CAMK1D: variants seen among roughly 807,000 people sequenced by gnomAD.
CAMK1D encodes calcium/calmodulin dependent protein kinase ID.
In CAMK1D, 9 loss-of-function variants were observed where a neutral mutation model predicts 47.7. The observed-to-expected ratio is 0.19, with a 90% CI of 0.11 to 0.33. The LOEUF (loss-of-function observed/expected upper bound fraction) is 0.33. Ranked by LOEUF, CAMK1D falls within the 10% of genes least tolerant of loss-of-function variation. The probability of loss-of-function intolerance (pLI) is 1.00; values close to 1 mark genes in which losing one functional copy is unlikely to be tolerated. For missense variants in CAMK1D, 291 were observed against 488.7 expected, an observed-to-expected ratio of 0.60 and a Z score of 3.81; for synonymous variants, 184 against 184.9, an observed-to-expected ratio of 0.99 and a Z score of 0.04.
intron 3 of CAMK1D, among the ~76,000 whole-genome samples, chr10:12,687,961 A>G (rs7922719): frequency 0.028 from 4,321 of 152,298 alleles, 213 homozygotes; most frequent in African/African-American, 0.098. Context: ...GAGTATAGCC[A>G]TAAATACAAC....
intron 1 of CAMK1D, among the ~76,000 whole-genome samples, chr10:12,359,408 A>G (rs970124744): frequency 5.4e-5 from 8 of 147,134 alleles, no homozygotes; most frequent in African/African-American, 2.0e-4. Context: ...AGTTCATGTA[A>G]TGCTAGCATT....
At chr10:12,685,044 TCACGCCA>T (rs1832597481) in intron 3 of CAMK1D, among the ~76,000 whole-genome samples, 2 of 150,086 alleles carry the variant, frequency 1.3e-5, no homozygotes, top group Admixed American at 6.6e-5. Flanking sequence ...GCGCGGTGGC[TCACGCCA>T]ACACTTTGGG....
chr10:12,368,211 A>AAAT (rs1554760142), intron 1 of CAMK1D, among the ~76,000 whole-genome samples: 73 of 114,840 alleles, frequency 6.4e-4, no homozygotes, highest in South Asian at 2.4e-3. Context: ...AAAAAAAAAA[A>AAAT]AAATAAAATA....
In CAMK1D at chr10:12,489,897, G is replaced by A. The variant is rs150834773; in HGVS notation, c.93-63328G>A. Reference sequence around the variant, plus strand: ...TGTCCCTGCAGCTGCCAGACGCCCCGACACCTCCGAGTCTGCATTCCGGCA... The same window carrying A: ...TGTCCCTGCAGCTGCCAGACGCCCCAACACCTCCGAGTCTGCATTCCGGCA... On this transcript the variant is annotated intron_variant, in intron 1 of 10. Coordinates refer to ENST00000619168, the MANE Select transcript of CAMK1D (RefSeq NM_153498.4). Among the ~76,000 whole-genome samples, 588 of 152,258 alleles carry A rather than the reference G, an allele frequency of 3.9e-3. 7 individuals are homozygous for A. The highest frequency in any genetic ancestry group is 0.014 in the African/African-American group (569 of 41,528).
intron 2 of CAMK1D, among the ~76,000 whole-genome samples, chr10:12,608,155 G>A (rs1012793538): frequency 2.0e-5 from 3 of 151,464 alleles, no homozygotes; most frequent in Admixed American, 1.3e-4. Context: ...ATGGTGGCTC[G>A]CGCCTGTAAT....
At chr10:12,469,097 G>A (rs1330099780) in intron 1 of CAMK1D, among the ~76,000 whole-genome samples, 1 of 152,092 alleles carries the variant, frequency 6.6e-6, no homozygotes, top group Non-Finnish European at 1.5e-5. Context: ...CCCGGATAAA[G>A]AGGAAATGGG....
At chr10:12,631,843 G>C (rs1839388331) in intron 2 of CAMK1D, among the ~76,000 whole-genome samples, 1 of 152,172 alleles carries the variant, frequency 6.6e-6, no homozygotes, top group African/African-American at 2.4e-5. Context: ...ACAGGATAGA[G>C]CGTGAGGAAA....
At chr10:12,550,935 T>G (rs1406843788) in intron 1 of CAMK1D, among the ~76,000 whole-genome samples, 1 of 152,242 alleles carries the variant, frequency 6.6e-6, no homozygotes, top group Non-Finnish European at 1.5e-5. Context: ...AAAGGATTTT[T>G]AAAACATGCA....
At chr10:12,480,106 T>C (rs1288021681) in intron 1 of CAMK1D, among the ~76,000 whole-genome samples, 1 of 152,154 alleles carries the variant, frequency 6.6e-6, no homozygotes, top group Non-Finnish European at 1.5e-5. Context: ...CCACACCTGC[T>C]TGGCAGATCC....
intron 1 of CAMK1D, among the ~76,000 whole-genome samples, chr10:12,474,135 A>G (rs114640504): frequency 0.018 from 2,754 of 151,374 alleles, 85 homozygotes; most frequent in African/African-American, 0.062. Context: ...GGGGAGGGGC[A>G]GGAAGCAATA....
chr10:12,782,599 C>T (rs1837548808), intron 5 of CAMK1D, among the ~76,000 whole-genome samples: 1 of 152,020 alleles, frequency 6.6e-6, no homozygotes, highest in Admixed American at 6.6e-5. Context: ...AACTTGATTA[C>T]AGTTTGATTT....
chr10:12,522,821 G>A (rs1170296930), intron 1 of CAMK1D, among the ~76,000 whole-genome samples: 6 of 100,086 alleles, frequency 6.0e-5, no homozygotes, highest in South Asian at 4.4e-4. Context: ...CTGGCCGGGC[G>A]GAGGCGCCCC....
intron 2 of CAMK1D, among the ~76,000 whole-genome samples, chr10:12,621,900 CAGG>C (rs1238452798): frequency 6.6e-6 from 1 of 152,076 alleles, no homozygotes; most frequent in South Asian, 2.1e-4. Flanking sequence ...GACACTGCTC[CAGG>C]AGAAGAAGGG....
intron 1 of CAMK1D, among the ~76,000 whole-genome samples, chr10:12,397,563 G>A (rs1366549222): frequency 2.0e-5 from 3 of 152,144 alleles, no homozygotes; most frequent in Admixed American, 1.3e-4. Context: ...TTCCTCTTCC[G>A]CTGTGCCGTC....
intron 1 of CAMK1D, among the ~76,000 whole-genome samples, chr10:12,477,244 C>T (rs978648761): frequency 6.6e-6 from 1 of 152,068 alleles, no homozygotes; most frequent in African/African-American, 2.4e-5. Flanking sequence ...GGTGAAACCC[C>T]GTCTCTACTA....
chr10:12,660,600 G>T (rs770020376), intron 2 of CAMK1D, among the ~76,000 whole-genome samples: 7 of 152,114 alleles, frequency 4.6e-5, no homozygotes, highest in South Asian at 2.1e-4. Flanking sequence ...CATTCAAGTT[G>T]ACTCTCTCTG....
chr10:12,667,926 T>C (rs933089042), intron 3 of CAMK1D, among the ~76,000 whole-genome samples: 5 of 152,378 alleles, frequency 3.3e-5, no homozygotes, highest in Middle Eastern at 3.4e-3. Context: ...ATTTTAAAGC[T>C]GTCTATGCCA....
At chr10:12,774,572 T>TA (rs1443804528) in intron 5 of CAMK1D, among the ~76,000 whole-genome samples, 1 of 152,194 alleles carries the variant, frequency 6.6e-6, no homozygotes, top group East Asian at 1.9e-4. Flanking sequence ...GCTTCTGTGT[T>TA]AAGGCAGTGA....
At chr10:12,564,155 C>CTCTG (rs1554789285) in intron 2 of CAMK1D, among the ~76,000 whole-genome samples, 5 of 103,472 alleles carry the variant, frequency 4.8e-5, no homozygotes, top group East Asian at 2.4e-4. Context: ...CTGTCTCTCT[C>CTCTG]TCTCTCTCTC....
Sources: gnomAD v4.1 joint callset for allele counts (sites outside exome capture counted in the v4.1 genomes callset) on GRCh38, gnomAD v4.1.1 for gene constraint, MANE v1.5 for transcripts, NCBI Gene and HGNC (gene_info 2026-07-23, HGNC 2026-07-21) for gene names.